The following PPP1R9A variants were observed in gnomAD, a reference collection of about 807,000 sequenced individuals.
PPP1R9A encodes the protein neurabin-1.
Under a neutral mutation model 141.9 loss-of-function variants are expected in PPP1R9A, and 59 were observed. That is an observed-to-expected ratio of 0.42 (90% CI 0.34 to 0.52). The LOEUF (loss-of-function observed/expected upper bound fraction) is 0.52, where lower values mean the gene tolerates loss of function less well. PPP1R9A is among the 20% of genes least tolerant of loss of function. The probability of loss-of-function intolerance (pLI) is 0.10; values close to 1 mark genes in which losing one functional copy is unlikely to be tolerated. For missense variants in PPP1R9A, 1,444 were observed against 1,611.9 expected (o/e 0.90, Z 1.78); for synonymous variants, 500 against 569.7 (o/e 0.88, Z 1.74).
At chr7:95,122,669 G>GCTGT (rs1177703089) in intron 4 of PPP1R9A, among the ~76,000 whole-genome samples, 2 of 152,144 alleles carry the variant, frequency 1.3e-5, no homozygotes, top group Admixed American at 6.5e-5. Flanking sequence ...TGAACATTCA[G>GCTGT]CTGTCTACAT....
intron 2 of PPP1R9A, among the ~76,000 whole-genome samples, chr7:95,108,477 A>AT (rs1350603796): frequency 6.6e-6 from 1 of 151,108 alleles, no homozygotes; most frequent in East Asian, 2.0e-4. Context: ...CACCCGGCTA[A>AT]TTTTTTGTAT....
chr7:95,078,860 A>T (rs1213599268), intron 2 of PPP1R9A, among the ~76,000 whole-genome samples: 5 of 151,524 alleles, frequency 3.3e-5, no homozygotes, highest in South Asian at 2.1e-4. Context: ...GTTTGAGTTC[A>T]TTGTAGATTC....
intron 5 of PPP1R9A, among the ~76,000 whole-genome samples, chr7:95,192,257 T>C (rs1443771161): frequency 4.6e-5 from 7 of 151,994 alleles, no homozygotes; most frequent in African/African-American, 9.7e-5. Flanking sequence ...TGCTCTCAGA[T>C]TGCCCAGCAA....
rs1239325970 is a variant in PPP1R9A at position 95,190,886 on chromosome 7, C to T, written c.1755-7463C>T. On this transcript the variant is annotated intron_variant, in intron 5 of 19. Transcript: ENST00000433360. ...TGTCTCCTGTCTGCCATCTTGACTC[C>T]ACAATCAGCTTTTTCATTTTTACTG... Among the ~76,000 whole-genome samples, 3 of 152,174 alleles carry T rather than the reference C, an allele frequency of 2.0e-5. No homozygotes were observed. In the East Asian group the frequency reaches 5.8e-4, roughly 29 times the overall value.
chr7:94,952,200 G>A (rs112104598), intron 2 of PPP1R9A, among the ~76,000 whole-genome samples: 8 of 151,992 alleles, frequency 5.3e-5, no homozygotes, highest in Non-Finnish European at 8.8e-5. Flanking sequence ...GAGAACATGC[G>A]GTATTTGGTT....
At chr7:95,167,880 T>C (rs1036952775) in intron 5 of PPP1R9A, among the ~76,000 whole-genome samples, 5 of 150,864 alleles carry the variant, frequency 3.3e-5, no homozygotes, top group Admixed American at 2.6e-4. Context: ...CTACAAACAC[T>C]GATGAAAAAA....
At chr7:94,963,254 G>T (rs1797831586) in intron 2 of PPP1R9A, among the ~76,000 whole-genome samples, 2 of 152,092 alleles carry the variant, frequency 1.3e-5, no homozygotes, top group African/African-American at 4.8e-5. Flanking sequence ...ACTTAACTTG[G>T]ATTGGTGAAG....
At chr7:95,081,105 A>T (rs1038856220) in intron 2 of PPP1R9A, among the ~76,000 whole-genome samples, 3 of 152,212 alleles carry the variant, frequency 2.0e-5, no homozygotes, top group Non-Finnish European at 4.4e-5. Context: ...AAAGCTTAAA[A>T]TCAAGACCTG....
intron 2 of PPP1R9A, among the ~76,000 whole-genome samples, chr7:95,022,911 G>A (rs1045617087): frequency 6.6e-6 from 1 of 152,146 alleles, no homozygotes; most frequent in Non-Finnish European, 1.5e-5. Flanking sequence ...TAGCATCAAT[G>A]TTCATCAGGA....
At chr7:94,950,990 T>C (rs1005576599) in intron 2 of PPP1R9A, among the ~76,000 whole-genome samples, 4 of 152,236 alleles carry the variant, frequency 2.6e-5, no homozygotes, top group African/African-American at 7.2e-5. Flanking sequence ...TCAAGTGATC[T>C]GCCCACCTCA....
At chr7:95,047,673 A>T (rs1231912694) in intron 2 of PPP1R9A, among the ~76,000 whole-genome samples, 1 of 152,014 alleles carries the variant, frequency 6.6e-6, no homozygotes, top group Non-Finnish European at 1.5e-5. Context: ...ATGGCCTTAA[A>T]TTTTCCATTT....
intron 2 of PPP1R9A, among the ~76,000 whole-genome samples, chr7:94,921,417 A>G (rs1792810564): frequency 6.6e-6 from 1 of 150,826 alleles, no homozygotes; most frequent in South Asian, 2.1e-4. Context: ...ACTGCACTCC[A>G]GCCTGGGCGA....
chr7:94,962,754 G>T (rs1797773197), intron 2 of PPP1R9A, among the ~76,000 whole-genome samples: 2 of 152,222 alleles, frequency 1.3e-5, no homozygotes, highest in South Asian at 4.1e-4. Context: ...TTTTGGGCTT[G>T]ATCTTGGGAG....
At chr7:95,190,047 C>T (rs1046061926) in intron 5 of PPP1R9A, among the ~76,000 whole-genome samples, 1 of 152,134 alleles carries the variant, frequency 6.6e-6, no homozygotes, top group Non-Finnish European at 1.5e-5. Context: ...CTTTATCTGG[C>T]AAATCAGAGA....
intron 4 of PPP1R9A, among the ~76,000 whole-genome samples, chr7:95,123,312 G>A (rs549233591): frequency 3.9e-5 from 6 of 152,206 alleles, no homozygotes; most frequent in Non-Finnish European, 7.4e-5. Context: ...TCCTGTTGTT[G>A]TTATAATAGG....
chr7:95,093,315 C>T (rs116150987), intron 2 of PPP1R9A, among the ~76,000 whole-genome samples: 8 of 152,214 alleles, frequency 5.3e-5, no homozygotes, highest in African/African-American at 1.9e-4. Flanking sequence ...CTCAAGGCTG[C>T]AAAGGGAGCC....
At chr7:95,191,136 G>T (rs573439290) in intron 5 of PPP1R9A, among the ~76,000 whole-genome samples, 1 of 152,210 alleles carries the variant, frequency 6.6e-6, no homozygotes, top group Admixed American at 6.5e-5. Flanking sequence ...GTATTTGACA[G>T]CTTACCAAAT....
In PPP1R9A at chr7:94,982,854, G is replaced by C. The variant is rs1289256959; in HGVS notation, c.1395+71346G>C. Among the ~76,000 whole-genome samples, 3 of 152,100 alleles carry C rather than the reference G, an allele frequency of 2.0e-5. No homozygotes were observed. In the East Asian group the frequency reaches 5.8e-4, roughly 29 times the overall value. ...ATTAGATCCCATTTTGGCTTTTGTT[G>C]CCATTGCTTTTGGTGTTTTAGTCAT... On this transcript the variant is annotated intron_variant, in intron 2 of 19. Transcript: ENST00000433360.
chr7:95,140,080 C>T (rs1826372741), intron 4 of PPP1R9A, among the ~76,000 whole-genome samples: 1 of 152,158 alleles, frequency 6.6e-6, no homozygotes, highest in Non-Finnish European at 1.5e-5. Context: ...GAACCCAGCT[C>T]TTGCTACTTG....
Sources: gnomAD v4.1 joint callset for allele counts (sites outside exome capture counted in the v4.1 genomes callset) on GRCh38, gnomAD v4.1.1 for gene constraint, MANE v1.5 for transcripts, NCBI Gene and HGNC (gene_info 2026-07-23, HGNC 2026-07-21) for gene names.